Variants in ARHGAP10 observed in about 807,000 individuals in gnomAD.
ARHGAP10 encodes the protein Rho GTPase activating protein 10.
Under a neutral mutation model 108.6 loss-of-function variants are expected in ARHGAP10, and 87 were observed. The ratio of observed to expected loss-of-function variants is 0.80; its 90% CI spans 0.67 to 0.96. The LOEUF (loss-of-function observed/expected upper bound fraction) is 0.96, where lower values mean the gene tolerates loss of function less well. ARHGAP10 is among the 40% of genes least tolerant of loss of function. ARHGAP10 has a pLI of 0.00. For synonymous variants in ARHGAP10, 347 were observed against 341.1 expected (o/e 1.02, Z -0.19); for missense variants, 939 against 954.5 (o/e 0.98, Z 0.21).
At chr4:147,990,199 A>G (rs983754181) in intron 18 of ARHGAP10, among the ~76,000 whole-genome samples, 3 of 152,240 alleles carry the variant, frequency 2.0e-5, no homozygotes, top group Non-Finnish European at 2.9e-5. Flanking sequence ...AATGTCTCCC[A>G]AATTCAAAAC....
At chr4:147,816,857 C>T (rs936117768) in intron 1 of ARHGAP10, among the ~76,000 whole-genome samples, 5 of 152,152 alleles carry the variant, frequency 3.3e-5, no homozygotes, top group Non-Finnish European at 5.9e-5. Flanking sequence ...TTAATGTCAA[C>T]ATTATTTCAC....
intron 1 of ARHGAP10, among the ~76,000 whole-genome samples, chr4:147,812,495 C>G (rs768783564): frequency 6.6e-6 from 1 of 152,138 alleles, no homozygotes; most frequent in Non-Finnish European, 1.5e-5. Context: ...TTCTTTCCTC[C>G]TGTTGGCTTT....
chr4:148,056,286 A>G (rs1014759968), intron 20 of ARHGAP10, among the ~76,000 whole-genome samples: 1 of 152,110 alleles, frequency 6.6e-6, no homozygotes, highest in African/African-American at 2.4e-5. Flanking sequence ...GTGCCAGGTG[A>G]TTTTCAGTGT....
At chr4:148,065,858 G>T (rs1169540986) in intron 22 of ARHGAP10, among the ~76,000 whole-genome samples, 1 of 151,900 alleles carries the variant, frequency 6.6e-6, no homozygotes, top group Non-Finnish European at 1.5e-5. Flanking sequence ...CATGAAGATG[G>T]ATTAAAGTCA....
At chr4:148,008,739 C>CT (rs1436241484) in intron 18 of ARHGAP10, among the ~76,000 whole-genome samples, 1 of 152,000 alleles carries the variant, frequency 6.6e-6, no homozygotes, top group African/African-American at 2.4e-5. Flanking sequence ...CACCTGAGAC[C>CT]TTTTCAGGGT....
intron 18 of ARHGAP10, among the ~76,000 whole-genome samples, chr4:147,988,509 T>C (rs1740127143): frequency 6.6e-6 from 1 of 152,216 alleles, no homozygotes; most frequent in Non-Finnish European, 1.5e-5. Flanking sequence ...TCTGAAGCTT[T>C]AGTACATTAA....
chr4:148,020,555 T>TTATTCC (rs1741529899), intron 18 of ARHGAP10, among the ~76,000 whole-genome samples: 1 of 152,060 alleles, frequency 6.6e-6, no homozygotes, highest in African/African-American at 2.4e-5. Context: ...TGTTTTTTTT[T>TTATTCC]TTATTCCTGC....
intron 1 of ARHGAP10, among the ~76,000 whole-genome samples, chr4:147,741,752 T>C: frequency 6.8e-6 from 1 of 147,596 alleles, no homozygotes; most frequent in African/African-American, 2.5e-5. Flanking sequence ...GCAGGCATCT[T>C]GATATCGTTC....
chr4:147,885,740 G>C (rs963356683), intron 10 of ARHGAP10, among the ~76,000 whole-genome samples: 3 of 152,174 alleles, frequency 2.0e-5, no homozygotes, highest in Non-Finnish European at 4.4e-5. Context: ...GTCCTCTCCA[G>C]TTCAGCTGTT....
chr4:147,961,872 T>C (rs1250206678), intron 16 of ARHGAP10, among the ~76,000 whole-genome samples: 1 of 152,134 alleles, frequency 6.6e-6, no homozygotes, highest in East Asian at 1.9e-4. Flanking sequence ...ACCTCCCTGG[T>C]CCTCCCACCT....
At chr4:147,823,773 C>CAAAACAA (rs911149319) in intron 3 of ARHGAP10, among the ~76,000 whole-genome samples, 1 of 151,842 alleles carries the variant, frequency 6.6e-6, no homozygotes, top group African/African-American at 2.4e-5. Context: ...AAAGAAAAAA[C>CAAAACAA]AAAACAAAAA....
At chr4:148,010,750 G>C (rs1741138486) in intron 18 of ARHGAP10, among the ~76,000 whole-genome samples, 1 of 152,132 alleles carries the variant, frequency 6.6e-6, no homozygotes, top group African/African-American at 2.4e-5. Flanking sequence ...GAATTTGTTA[G>C]AATTGAAGAC....
At chr4:147,813,792 G>T (rs1430388707) in intron 1 of ARHGAP10, among the ~76,000 whole-genome samples, 1 of 152,086 alleles carries the variant, frequency 6.6e-6, no homozygotes, top group Non-Finnish European at 1.5e-5. Context: ...ATTATTTAAG[G>T]CTTTGCATTC....
At chr4:147,836,619 T>G (rs1733180069) in intron 3 of ARHGAP10, among the ~76,000 whole-genome samples, 1 of 147,800 alleles carries the variant, frequency 6.8e-6, no homozygotes, top group South Asian at 2.3e-4. Flanking sequence ...AGCACCTGTG[T>G]CCCAGTTAGA....
chr4:147,908,848 T>C lies in ARHGAP10; in HGVS notation c.1117-884T>C, dbSNP rs543722176. Among the ~76,000 whole-genome samples, 6 of 152,232 alleles carry C rather than the reference T, an allele frequency of 3.9e-5. No homozygotes were observed. In the South Asian group the frequency reaches 1.2e-3, roughly 32 times the overall value. ...TAAGGACCCTGCCCCCTTTATCTTA[T>C]TTTTGCTCATTTGGTATACCTCAGG... On this transcript the variant is annotated intron_variant, in intron 11 of 22. Transcript: ENST00000336498.
intron 18 of ARHGAP10, among the ~76,000 whole-genome samples, chr4:147,975,548 T>C (rs997002789): frequency 6.6e-6 from 1 of 152,212 alleles, no homozygotes; most frequent in Non-Finnish European, 1.5e-5. Flanking sequence ...GCCTTCTTGA[T>C]GCATCATCTC....
intron 18 of ARHGAP10, among the ~76,000 whole-genome samples, chr4:147,968,026 A>C (rs1293270541): frequency 1.3e-5 from 2 of 152,226 alleles, no homozygotes; most frequent in African/African-American, 2.4e-5. Context: ...TTTGTTCATA[A>C]GAGTTAAAAC....
intron 1 of ARHGAP10, 68 bp downstream of exon 1, chr4:147,732,523 G>A: frequency 1.9e-6 from 3 of 1,586,194 alleles, no homozygotes; most frequent in Non-Finnish European, 2.6e-6. Context: ...TCTCTCGGCA[G>A]GAGACGGAGG....
At chr4:147,749,800 C>T (rs1264528778) in intron 1 of ARHGAP10, among the ~76,000 whole-genome samples, 2 of 152,146 alleles carry the variant, frequency 1.3e-5, no homozygotes, top group Non-Finnish European at 2.9e-5. Context: ...GACGGTCAAA[C>T]TAAATATTTG....
Sources: allele counts gnomAD v4.1 joint callset (sites outside exome capture counted in the v4.1 genomes callset), GRCh38; gene constraint gnomAD v4.1.1; transcripts MANE v1.5; gene names NCBI Gene and HGNC (gene_info 2026-07-23, HGNC 2026-07-21).